DCHS1: variants seen among roughly 807,000 people sequenced by gnomAD.
DCHS1 encodes the protein protocadherin-16.
A neutral mutation model predicts 213.9 loss-of-function variants in DCHS1; 78 were observed. That is an observed-to-expected ratio of 0.36 (90% CI 0.30 to 0.44). DCHS1 has a LOEUF of 0.44. DCHS1 is among the 20% of genes least tolerant of loss of function. DCHS1 has a pLI of 1.00. For missense variants in DCHS1, 3,946 were observed against 4,395.9 expected, an observed-to-expected ratio of 0.90 and a Z score of 2.89; for synonymous variants, 1,828 against 1,873.7, an observed-to-expected ratio of 0.98 and a Z score of 0.63.
chr11:6,655,126 C>T (rs1264517973), intron 1 of DCHS1, among the ~76,000 whole-genome samples: 1 of 152,146 alleles, frequency 6.6e-6, no homozygotes, highest in Non-Finnish European at 1.5e-5. Context: ...CACATGGGCT[C>T]CCACAGAGCG....
chr11:6,648,896 C>T (rs1470947873), intron 1 of DCHS1, among the ~76,000 whole-genome samples: 1 of 152,176 alleles, frequency 6.6e-6, no homozygotes, highest in African/African-American at 2.4e-5. Flanking sequence ...GCTCGACTGT[C>T]AGGCTGGAGT....
Position 6,631,509 on chromosome 11 carries a change from C to T in DCHS1, c.3676-102G>A. Reference sequence around the variant, plus strand: ...GGGCAGGCAGAACCTCTTTTCGGCTCTCACACCCAATCCAGGAGGCAGTCT... The same window carrying T: ...GGGCAGGCAGAACCTCTTTTCGGCTTTCACACCCAATCCAGGAGGCAGTCT... On this transcript the variant is annotated intron_variant, in intron 7 of 20. Transcript: ENST00000299441. 14 of 1,586,550 alleles carry T rather than the reference C, an allele frequency of 8.8e-6. No individual in the cohort carries two copies. In the South Asian group the frequency reaches 1.5e-4, roughly 16 times the overall value.
Position 6,641,512 on chromosome 11 carries a change from C to T in DCHS1, c.102G>A (p.Gly34=). 2 of 1,557,710 alleles carry T rather than the reference C, an allele frequency of 1.3e-6. No homozygotes were observed. Among genetic ancestry groups the T allele is most frequent in the South Asian group, 2.4e-5 (2 of 85,104 alleles). Residue 34 remains glycine (G), a synonymous_variant, in exon 2 of 21, where the codon GGG becomes GGA. Coordinates refer to ENST00000299441, the MANE Select transcript of DCHS1 (RefSeq NM_003737.4). The surrounding 1 kb of genome is among the most constrained non-coding windows in gnomAD (Gnocchi z 7.1). ...PLLLLLLLLL[G]AGVPGAWGQA... ...GACCCCAGGCACCTGGCACCCCAGCCCCCAGCAGCAGCAGCAGCAGCAGCA... is the reference window on the plus strand; with the variant it reads ...GACCCCAGGCACCTGGCACCCCAGCTCCCAGCAGCAGCAGCAGCAGCAGCA...
At position 6,639,809 on chromosome 11, in the gene DCHS1, C is replaced by T. The variant is rs1856037869; in HGVS notation, c.1797+8G>A. ...AACACTATCTTGCTATGTGCCAGGC[C>T]TACCCACCTGCAGGAAGCAAGTTCC... is the stretch of plus-strand genomic sequence containing the variant. On this transcript the variant is annotated splice_region_variant and intron_variant, in intron 2 of 20. Transcript: ENST00000299441. The T allele has an allele frequency of 6.3e-7, 1 of 1,581,866 alleles. No homozygotes were observed. The highest frequency in any genetic ancestry group is 1.2e-5 in the South Asian group (1 of 85,672).
Position 6,633,540 on chromosome 11 carries a change from A to G in DCHS1, c.2327T>C (p.Val776Ala). ...GGTTCCAGGCACAATGCTGATGTCC[A>G]CTCGGGCACTGGGTTCTGCCTGTAG... ...GGLQAEPSARVDISIVPGTPT... is the reference protein window; with the variant it reads ...GGLQAEPSARADISIVPGTPT... The change falls in exon 5 of 21, where the codon GTG (valine) becomes GCG (alanine). Residue 776 changes from valine to alanine, a missense_variant. By Grantham distance (64) the Val-to-Ala change is moderately conservative. Coordinates refer to ENST00000299441, the MANE Select transcript of DCHS1 (RefSeq NM_003737.4). 6.3e-7 allele frequency: 1 copy of G among 1,587,996 alleles called. No individual in the cohort carries two copies. The highest frequency in any genetic ancestry group is 8.6e-7 in the Non-Finnish European group (1 of 1,167,064).
At position 6,634,036 on chromosome 11, in the gene DCHS1, G is replaced by A. The variant is rs754462499; in HGVS notation, c.1987-16C>T. The A allele has an allele frequency of 6.2e-7, 1 of 1,611,982 alleles. No individual in the cohort carries two copies. The highest frequency in any genetic ancestry group is 2.2e-5 in the East Asian group (1 of 44,888). On this transcript the variant is annotated splice_polypyrimidine_tract_variant and intron_variant, in intron 3 of 20. Transcript: ENST00000299441. ...TGAGGCCTCCCTGGTGGGACATGCAGCCATAGGTCAGGTGGGCCTCATCTG... is the reference window on the plus strand; with the variant it reads ...TGAGGCCTCCCTGGTGGGACATGCAACCATAGGTCAGGTGGGCCTCATCTG...
chr11:6,655,450 T>C, intron 1 of DCHS1, 113 bp downstream of exon 1: 1 of 578,304 alleles, frequency 1.7e-6, no homozygotes, highest in Non-Finnish European at 2.2e-6. Flanking sequence ...CCCTCCCCCA[T>C]TGTCTCCGGC....
Position 6,632,045 on chromosome 11 carries a change from A to G in DCHS1, c.3467T>C (p.Ile1156Thr). 6.6e-7 allele frequency: 1 copy of G among 1,514,450 alleles called. No individual in the cohort carries two copies. The highest frequency in any genetic ancestry group is 8.8e-7 in the Non-Finnish European group (1 of 1,132,902). The allele number at this position is 1,514,450 out of a possible 1,614,324, so 93.8% of individuals were successfully genotyped here. A position where few individuals can be genotyped will look rare whatever the true frequency, so the allele number is the denominator to read the frequency against. Residue 1156 changes from isoleucine (I) to threonine (T), a missense_variant, in exon 6 of 21, where the codon ATC becomes ACC. Physicochemically the swap from Ile to Thr is moderately conservative, Grantham distance 89. Coordinates refer to ENST00000299441, the MANE Select transcript of DCHS1 (RefSeq NM_003737.4). The surrounding 1 kb of genome is among the most constrained non-coding windows in gnomAD (Gnocchi z 5.9). ...QLSEDSKAFR[I>T]HPQTGEVTTL... ...TCTGTGCTCACCAGTCTGGGGGTGG[A>G]TGCGGAAGGCCTTGCTGTCTTCAGA... is the stretch of plus-strand genomic sequence containing the variant.
Position 6,623,150 on chromosome 11 carries a change from C to A in DCHS1, c.8526G>T (p.Gly2842=), listed in dbSNP as rs1177386282. The part of the protein sequence containing the change: ...LGHVQATDED[G]GADGLVLYSL... ...AATACAGAACCAGGCCATCGGCACC[C>A]CCATCCTCATCTGTGGCCTGCACGT... The change falls in exon 21 of 21, where the codon GGG becomes GGT. Residue 2842 remains glycine (G), a synonymous_variant. Transcript: ENST00000299441. The A allele has an allele frequency of 1.2e-6, 2 of 1,608,930 alleles. No homozygotes were observed. Among genetic ancestry groups the A allele is most frequent in the South Asian group, 2.2e-5 (2 of 90,158 alleles).
In DCHS1 at chr11:6,627,395, G is replaced by A. The variant is rs780996947; in HGVS notation, c.5644C>T (p.Pro1882Ser). Reference sequence around the variant, plus strand: ...ACATGGCCATTAGCTCCAGCATCAGGGTCATGAGCCTGTAGCTGCAGCAGC... The same window carrying A: ...ACATGGCCATTAGCTCCAGCATCAGAGTCATGAGCCTGTAGCTGCAGCAGC... Reference protein sequence around the residue: ...TLLLQLQAHDPDAGANGHVTY... With the variant: ...TLLLQLQAHDSDAGANGHVTY... The change falls in exon 14 of 21, where the codon CCT (proline) becomes TCT (serine). Residue 1882 changes from proline to serine, a missense_variant. Pro to Ser is a moderately conservative substitution (Grantham distance 74). Transcript: ENST00000299441. This position sits in a 1 kb window ranked among gnomAD's most constrained non-coding sequence, Gnocchi z 5.4. The A allele has an allele frequency of 1.2e-6, 2 of 1,609,166 alleles. No homozygotes were observed. The highest frequency in any genetic ancestry group is 1.7e-5 in the Admixed American group (1 of 59,300).
chr11:6,621,878 G>T lies in DCHS1; in HGVS notation c.9798C>A (p.Pro3266=). 6.2e-7 allele frequency: 1 copy of T among 1,612,296 alleles called. No individual in the cohort carries two copies. The highest frequency in any genetic ancestry group is 8.5e-7 in the Non-Finnish European group (1 of 1,179,148). Reference sequence around the variant, plus strand: ...GGGCCACCCCAAATGGTGAGACAACGGGTGAGCGAGCAGCCAGAGGAGACA... The same window carrying T: ...GGGCCACCCCAAATGGTGAGACAACTGGTGAGCGAGCAGCCAGAGGAGACA... ...PSLSPLAARS[P]VVSPFGVAQG... The change falls in exon 21 of 21, where the codon CCC becomes CCA. Residue 3266 remains proline (P), a synonymous_variant. Coordinates refer to ENST00000299441, the MANE Select transcript of DCHS1 (RefSeq NM_003737.4).
Position 6,621,790 on chromosome 11 carries a change from G to T in DCHS1, c.9886C>A (p.Leu3296Met). 6.3e-7 allele frequency: 1 copy of T among 1,587,182 alleles called. No individual in the cohort carries two copies. Among genetic ancestry groups the T allele is most frequent in the South Asian group, 1.1e-5 (1 of 87,068 alleles). The change falls in exon 21 of 21, where the codon CTG becomes ATG. Residue 3296 changes from leucine (L) to methionine (M), a missense_variant. By Grantham distance (15) the Leu-to-Met change is conservative. This residue lies in a region of DCHS1 where 554 missense variants were observed against 590.2 expected (regional missense o/e 0.94). Transcript: ENST00000299441. ...SGLEPPDDTE[L>M]HI Reference sequence around the variant, plus strand: ...AGCCTGGGCCACAGCTAGATGTGCAGCTCCGTGTCATCAGGTGGCTCCAGG... The same window carrying T: ...AGCCTGGGCCACAGCTAGATGTGCATCTCCGTGTCATCAGGTGGCTCCAGG...
Position 6,643,188 on chromosome 11 carries a change from C to T in DCHS1, c.-120-1455G>A, listed in dbSNP as rs934782208. Among the ~76,000 whole-genome samples the T allele has an allele frequency of 1.3e-5, 2 of 152,054 alleles. 1 individual carries two copies. The highest frequency in any genetic ancestry group is 4.2e-4 in the South Asian group (2 of 4,810). On this transcript the variant is annotated intron_variant, in intron 1 of 20. Transcript: ENST00000299441. ...GATCAGGAAGGAAATGCCCCGGAGC[C>T]CCTTACTCTAGTGACTAAGAAGAAT...
Position 6,628,812 on chromosome 11 carries a change from C to A in DCHS1, c.5180G>T (p.Gly1727Val), listed in dbSNP as rs1273310274. ...GACATGCGTTAACTGAGGAGGTGAG[C>A]CCCTGTCCTGGGCATACACTGTGGG... ...INLTVYAQDR[G>V]SPPQLTHVTV... The change falls in exon 13 of 21, where the codon GGC becomes GTC. Residue 1727 changes from glycine (G) to valine (V), a missense_variant. Gly to Val is a moderately radical substitution (Grantham distance 109). Transcript: ENST00000299441. The surrounding 1 kb of genome is among the most constrained non-coding windows in gnomAD (Gnocchi z 4.3). 3.1e-6 allele frequency: 5 copies of A among 1,613,564 alleles called. No homozygotes were observed. Among genetic ancestry groups the A allele is most frequent in the East Asian group, 2.2e-5 (1 of 44,870 alleles).
chr11:6,625,886 G>T lies in DCHS1; in HGVS notation c.6731+34C>A, dbSNP rs754087635. The T allele has an allele frequency of 1.2e-6, 2 of 1,608,206 alleles. No homozygotes were observed. Among genetic ancestry groups the T allele is most frequent in the South Asian group, 2.2e-5 (2 of 90,016 alleles). On this transcript the variant is annotated intron_variant, in intron 17 of 20. Coordinates refer to ENST00000299441, the MANE Select transcript of DCHS1 (RefSeq NM_003737.4). This position sits in a 1 kb window ranked among gnomAD's most constrained non-coding sequence, Gnocchi z 5.3. ...AGGGCTTGAAACTGGACAGGCCCAAGATGGGGTCTTGGGTCCACAGGGCCA... is the reference window on the plus strand; with the variant it reads ...AGGGCTTGAAACTGGACAGGCCCAATATGGGGTCTTGGGTCCACAGGGCCA...
In DCHS1 at chr11:6,626,318, C is replaced by T; in HGVS notation, c.6427G>A (p.Val2143Met). The change falls in exon 16 of 21, where the codon GTG (valine) becomes ATG (methionine). Residue 2143 changes from valine (V) to methionine (M), a missense_variant. Transcript: ENST00000299441. The surrounding 1 kb of genome is among the most constrained non-coding windows in gnomAD (Gnocchi z 5.2). ...DFEVSPRLRL[V>M]LQAESGGAFA... Reference sequence around the variant, plus strand: ...GCTCCTCCACTCTCTGCCTGCAGCACCAGTCGCAGCCGTGGACTCACCTCG... The same window carrying T: ...GCTCCTCCACTCTCTGCCTGCAGCATCAGTCGCAGCCGTGGACTCACCTCG... The T allele has an allele frequency of 6.2e-7, 1 of 1,613,584 alleles. No homozygotes were observed. The highest frequency in any genetic ancestry group is 1.3e-5 in the African/African-American group (1 of 75,050).
chr11:6,632,102 T>C lies in DCHS1; in HGVS notation c.3410A>G (p.Asn1137Ser), dbSNP rs746072061. 2.0e-5 allele frequency: 31 copies of C among 1,553,726 alleles called. No individual in the cohort carries two copies. Among genetic ancestry groups the C allele is most frequent in the Admixed American group, 3.6e-5 (2 of 54,834 alleles). The change falls in exon 6 of 21, where the codon AAT (asparagine) becomes AGT (serine). Residue 1137 changes from asparagine to serine, a missense_variant. Transcript: ENST00000299441. The surrounding 1 kb of genome is among the most constrained non-coding windows in gnomAD (Gnocchi z 5.9). Reference sequence around the variant, plus strand: ...TTGCAGGCTGTAGGTCAGACGTCCATTGGGTCCTGAGTCTCGGTCAGTGGC... The same window carrying C: ...TTGCAGGCTGTAGGTCAGACGTCCACTGGGTCCTGAGTCTCGGTCAGTGGC... ...VFATDRDSGPNGRLTYSLQQL... is the reference protein window; with the variant it reads ...VFATDRDSGPSGRLTYSLQQL...
intron 5 of DCHS1, 82 bp from the exon 6 acceptor site, chr11:6,633,138 A>T (rs945100517): frequency 9.2e-5 from 136 of 1,482,626 alleles, no homozygotes; most frequent in Middle Eastern, 9.0e-4. Flanking sequence ...CCCGAGAAGG[A>T]CTGGGCAGTG....
chr11:6,640,431 C>G lies in DCHS1; in HGVS notation c.1183G>C (p.Asp395His). The G allele has an allele frequency of 6.2e-7, 1 of 1,613,954 alleles. No individual in the cohort carries two copies. Among genetic ancestry groups the G allele is most frequent in the South Asian group, 1.1e-5 (1 of 91,080 alleles). The change falls in exon 2 of 21, where the codon GAT becomes CAT. Residue 395 changes from aspartate to histidine, a missense_variant. By Grantham distance (81) the Asp-to-His change is moderately conservative. Around this residue, in one of 3 missense-constraint regions of DCHS1, gnomAD observed 3,384 missense variants for 3,780.1 expected, o/e 0.90. Transcript: ENST00000299441. This position sits in a 1 kb window ranked among gnomAD's most constrained non-coding sequence, Gnocchi z 6.5. ...VARISVSDPDDGDFAHVNVSL... is the reference protein window; with the variant it reads ...VARISVSDPDHGDFAHVNVSL... ...ACATTGACATGGGCAAAGTCACCATCATCTGGGTCTGACACAGAGATGCGA... is the reference window on the plus strand; with the variant it reads ...ACATTGACATGGGCAAAGTCACCATGATCTGGGTCTGACACAGAGATGCGA...
Sources: allele counts gnomAD v4.1 joint callset (sites outside exome capture counted in the v4.1 genomes callset), GRCh38; gene constraint gnomAD v4.1.1; regional missense constraint gnomAD v4.1.1; non-coding constraint Gnocchi (gnomAD v3.1); transcripts MANE v1.5; gene names NCBI Gene and HGNC (gene_info 2026-07-23, HGNC 2026-07-21).